The following ACOX2 variants were observed in gnomAD, a reference collection of about 807,000 sequenced individuals.
The protein encoded by ACOX2 is acyl-CoA oxidase 2.
A neutral mutation model predicts 77.5 loss-of-function variants in ACOX2; 59 were observed. The observed-to-expected ratio is 0.76, with a 90% CI of 0.62 to 0.95. The LOEUF (loss-of-function observed/expected upper bound fraction) is 0.95. Among genes scored for constraint, ACOX2 ranks in the 40% least tolerant of loss-of-function variants. The pLI, the probability that ACOX2 is intolerant of heterozygous loss-of-function variation, is 0.00. For synonymous variants in ACOX2, 317 were observed against 340.1 expected (o/e 0.93, Z 0.75); for missense variants, 837 against 880.4 (o/e 0.95, Z 0.62).
chr3:58,513,780 G>A (rs1391635271), intron 13 of ACOX2, among the ~76,000 whole-genome samples: 1 of 152,142 alleles, frequency 6.6e-6, no homozygotes, highest in African/African-American at 2.4e-5. Context: ...ATAGCTAAAA[G>A]CAAAGCCTTA....
At chr3:58,530,366 C>T in intron 8 of ACOX2, 100 bp downstream of exon 8, 1 of 1,508,130 alleles carries the variant, frequency 6.6e-7, no homozygotes, top group Non-Finnish European at 9.0e-7. Context: ...ATTGCCTGCT[C>T]CCAGCACTCT....
Position 58,534,388 on chromosome 3 carries a change from C to A in ACOX2, c.295G>T (p.Asp99Tyr). The A allele has an allele frequency of 6.2e-7, 1 of 1,614,240 alleles. No homozygotes were observed. The change falls in exon 3 of 15, where the codon GAT (aspartate) becomes TAT (tyrosine). Residue 99 changes from aspartate to tyrosine, a missense_variant. Coordinates refer to ENST00000302819, the MANE Select transcript of ACOX2 (RefSeq NM_003500.4). The surrounding 1 kb of genome is among the most constrained non-coding windows in gnomAD (Gnocchi z 4.8). ...TAAGCGTAGCCTAATTCACGACCAT[C>A]TTCTAACCAACCCAGGCGCCGAGCT... is the stretch of plus-strand genomic sequence containing the variant. ...LIARRLGWLE[D>Y]GRELGYAYRA...
At chr3:58,516,322 C>T (rs1316312775) in intron 13 of ACOX2, among the ~76,000 whole-genome samples, 1 of 152,156 alleles carries the variant, frequency 6.6e-6, no homozygotes, top group Non-Finnish European at 1.5e-5. Flanking sequence ...TCAACCTTAA[C>T]CTTAACATAC....
Position 58,535,331 on chromosome 3 carries a change from G to C in ACOX2, c.-91-134C>G, listed in dbSNP as rs2063474059. On this transcript the variant is annotated intron_variant, in intron 1 of 14. Coordinates refer to ENST00000302819, the MANE Select transcript of ACOX2 (RefSeq NM_003500.4). The surrounding 1 kb of genome is among the most constrained non-coding windows in gnomAD (Gnocchi z 4.8). ...GGACACTGGCTGTGGACCAGGCACT[G>C]TGTGCATGGTAGGCATGGTATGCAG... The C allele has an allele frequency of 1.7e-6, 1 of 586,192 alleles. No homozygotes were observed. The highest frequency in any genetic ancestry group is 3.0e-6 in the Non-Finnish European group (1 of 328,916). The allele number at this position is 586,192 out of a possible 1,614,324, so 36.3% of individuals were successfully genotyped here.
chr3:58,507,509 G>C (rs1439098095), intron 14 of ACOX2, among the ~76,000 whole-genome samples: 1 of 152,210 alleles, frequency 6.6e-6, no homozygotes, highest in Non-Finnish European at 1.5e-5. Context: ...AATGTTTCCT[G>C]TGTTGCCAGT....
At position 58,531,565 on chromosome 3, in the gene ACOX2, A is replaced by G. The variant is rs377502258; in HGVS notation, c.703+128T>C. On this transcript the variant is annotated intron_variant, in intron 6 of 14. Transcript: ENST00000302819. This position sits in a 1 kb window ranked among gnomAD's most constrained non-coding sequence, Gnocchi z 5.8. ...AGCCAGTTAGCACCAAGTCTGTCCA[A>G]CTGGACCGCTCCCTGCCCAAGGGAG... The G allele has an allele frequency of 5.5e-6, 8 of 1,445,996 alleles. No individual in the cohort carries two copies. Among genetic ancestry groups the G allele is most frequent in the African/African-American group, 2.8e-5 (2 of 70,814 alleles). The allele number at this position is 1,445,996 out of a possible 1,614,324, so 89.6% of individuals were successfully genotyped here.
intron 13 of ACOX2, among the ~76,000 whole-genome samples, chr3:58,510,663 AATATATATAT>A (rs1364040351): frequency 3.3e-3 from 47 of 14,362 alleles, no homozygotes; most frequent in African/African-American, 9.9e-3. Context: ...AAAAAAAAAA[AATATATATAT>A]ATATATATAT....
rs1001475722 is a variant in ACOX2, at chr3:58,514,399, A to C, written c.1850+2807T>G. The stretch of plus-strand genomic sequence containing the variant: ...GTCATCTTTACCTGGAAGTCCCCCC[A>C]GCTGAGGTTTTATGACCGCTTAAAC... On this transcript the variant is annotated intron_variant, in intron 13 of 14. Transcript: ENST00000302819. This position sits in a 1 kb window ranked among gnomAD's most constrained non-coding sequence, Gnocchi z 4.3. Among the ~76,000 whole-genome samples, 1 of 152,214 alleles carries C rather than the reference A, an allele frequency of 6.6e-6. No homozygotes were observed. Among genetic ancestry groups the C allele is most frequent in the Non-Finnish European group, 1.5e-5 (1 of 68,030 alleles).
In ACOX2 at chr3:58,534,257, A is replaced by G; in HGVS notation, c.323+103T>C. On this transcript the variant is annotated intron_variant, in intron 3 of 14. Transcript: ENST00000302819. This position sits in a 1 kb window ranked among gnomAD's most constrained non-coding sequence, Gnocchi z 4.8. ...GGGCACCTAGCATCCTGGTTTCCCA[A>G]CAAGTCTTCCCTTTGTTGGGGGAAA... 1.9e-6 allele frequency: 3 copies of G among 1,576,522 alleles called. No homozygotes were observed. Among genetic ancestry groups the G allele is most frequent in the South Asian group, 1.2e-5 (1 of 84,562 alleles).
Position 58,517,169 on chromosome 3 carries a change from C to T in ACOX2, c.1850+37G>A, listed in dbSNP as rs371571178. ...TGTGAACAAGGGGTAGGGTTATTCT[C>T]TGAAGACTAACATGGTTTGAAGTCT... On this transcript the variant is annotated intron_variant, in intron 13 of 14. Coordinates refer to ENST00000302819, the MANE Select transcript of ACOX2 (RefSeq NM_003500.4). 6 of 1,602,246 alleles carry T rather than the reference C, an allele frequency of 3.7e-6. No homozygotes were observed. In the African/African-American group the frequency reaches 5.4e-5, roughly 14 times the overall value.
At position 58,533,143 on chromosome 3, in the gene ACOX2, A is replaced by AGT. The variant is rs569492759; in HGVS notation, c.583+300_583+301dup. ...GTGAGGAGTGCCTAGGACTAGACCA[A>AGT]GTGTGTGTGTTTGTGCGTGTGTGTG... On this transcript the variant is annotated intron_variant, in intron 5 of 14. Transcript: ENST00000302819. The surrounding 1 kb of genome is among the most constrained non-coding windows in gnomAD (Gnocchi z 5.6). 5.2e-4 allele frequency among the ~76,000 whole-genome samples: 79 copies of AGT among 152,048 alleles called. No individual in the cohort carries two copies. The highest frequency in any genetic ancestry group is 1.0e-3 in the Non-Finnish European group (69 of 68,004).
Position 58,517,260 on chromosome 3 carries a change from C to T in ACOX2, c.1796G>A (p.Gly599Asp). ...GDFLHDAFLS[G>D]AQVDMARTAY... is the part of the protein sequence containing the mutation. ...TGTTCTTGCCATGTCCACTTGGGCA[C>T]CAGACAGGAAGGCGTCATGGAGAAA... The change falls in exon 13 of 15, where the codon GGT (glycine) becomes GAT (aspartate). Residue 599 changes from glycine (G) to aspartate (D), a missense_variant. By Grantham distance (94) the Gly-to-Asp change is moderately conservative. Coordinates refer to ENST00000302819, the MANE Select transcript of ACOX2 (RefSeq NM_003500.4). The T allele has an allele frequency of 6.2e-7, 1 of 1,614,108 alleles. No homozygotes were observed.
chr3:58,526,673 G>C lies in ACOX2; in HGVS notation c.1156-17C>G, dbSNP rs370154949. 4 of 1,611,138 alleles carry C rather than the reference G, an allele frequency of 2.5e-6. No homozygotes were observed. In the East Asian group the frequency reaches 8.9e-5, roughly 36 times the overall value. On this transcript the variant is annotated splice_polypyrimidine_tract_variant and intron_variant, in intron 9 of 14. Transcript: ENST00000302819. This position sits in a 1 kb window ranked among gnomAD's most constrained non-coding sequence, Gnocchi z 4.3. ...TGCGTGGAGCTGTGAGAACATGGAG[G>C]GGGGTTGGGCGGTGTTAGGGGGCCT... is the stretch of plus-strand genomic sequence containing the variant.
In ACOX2 at chr3:58,525,844, G is replaced by C. The variant is rs2063390084; in HGVS notation, c.1346+622C>G. On this transcript the variant is annotated intron_variant, in intron 10 of 14. Transcript: ENST00000302819. This position sits in a 1 kb window ranked among gnomAD's most constrained non-coding sequence, Gnocchi z 5.0. ...TGGAGAGCAGCCTGGCCAACATGGTGAAACCCCATCTCTACTAAAAATACA... is the reference window on the plus strand; with the variant it reads ...TGGAGAGCAGCCTGGCCAACATGGTCAAACCCCATCTCTACTAAAAATACA... 6.6e-6 allele frequency among the ~76,000 whole-genome samples: 1 copy of C among 152,082 alleles called. No individual in the cohort carries two copies. The highest frequency in any genetic ancestry group is 2.4e-5 in the African/African-American group (1 of 41,414).
intron 14 of ACOX2, 85 bp downstream of exon 14, chr3:58,508,808 C>T (rs1160530147): frequency 1.3e-6 from 2 of 1,533,912 alleles, no homozygotes; most frequent in East Asian, 4.5e-5. Context: ...TAACGGGAAT[C>T]AATTAAAATG....
chr3:58,524,631 G>A lies in ACOX2; in HGVS notation c.1347-26C>T, dbSNP rs776612271. 1.8e-5 allele frequency: 29 copies of A among 1,607,782 alleles called. No homozygotes were observed. In the South Asian group the frequency reaches 3.2e-4, roughly 18 times the overall value. ...CTGGGGGTTGGAAGAGGAGGCAGGTGAGAGGGCAGAGACTCTGTGAGACAG... is the reference window on the plus strand; with the variant it reads ...CTGGGGGTTGGAAGAGGAGGCAGGTAAGAGGGCAGAGACTCTGTGAGACAG... On this transcript the variant is annotated intron_variant, in intron 10 of 14. Transcript: ENST00000302819. This position sits in a 1 kb window ranked among gnomAD's most constrained non-coding sequence, Gnocchi z 5.5.
At chr3:58,516,168 A>G (rs2063320896) in intron 13 of ACOX2, among the ~76,000 whole-genome samples, 1 of 152,214 alleles carries the variant, frequency 6.6e-6, no homozygotes, top group Non-Finnish European at 1.5e-5. Context: ...TTATTATTTT[A>G]TAAATCAATA....
rs2063226222 is a variant in ACOX2, at chr3:58,505,283, T to A, written c.1987A>T (p.Asn663Tyr). 6.2e-7 allele frequency: 1 copy of A among 1,612,158 alleles called. No homozygotes were observed. The highest frequency in any genetic ancestry group is 2.2e-5 in the East Asian group (1 of 44,796). The change falls in exon 15 of 15, where the codon AAC (asparagine) becomes TAC (tyrosine). Residue 663 changes from asparagine (N) to tyrosine (Y), a missense_variant. Transcript: ENST00000302819. The surrounding 1 kb of genome is among the most constrained non-coding windows in gnomAD (Gnocchi z 4.4). ...CTTATATATTCCTCATAGGCAGGGT[T>A]CTCCTGTTTGTAGAAAGAAACGCAT... ...AQKSPTNTQE[N>Y]PAYEEYIRPL... is the part of the protein sequence containing the mutation.
At chr3:58,511,137 C>G (rs547754054) in intron 13 of ACOX2, 1 of 447,312 alleles carries the variant, frequency 2.2e-6, no homozygotes, top group African/African-American at 2.0e-5. Flanking sequence ...TCTTCAGGCT[C>G]TCAGCTCAGG....
Sources: allele counts gnomAD v4.1 joint callset (sites outside exome capture counted in the v4.1 genomes callset), GRCh38; gene constraint gnomAD v4.1.1; non-coding constraint Gnocchi (gnomAD v3.1); transcripts MANE v1.5; gene names NCBI Gene and HGNC (gene_info 2026-07-23, HGNC 2026-07-21).